The following MMP2 variants were observed in gnomAD, a reference collection of about 807,000 sequenced individuals.
MMP2 encodes the protein matrix metallopeptidase 2.
A neutral mutation model predicts 74.8 loss-of-function variants in MMP2; 39 were observed. The observed-to-expected ratio is 0.52, with a 90% CI of 0.40 to 0.68. The LOEUF is 0.68. MMP2 is among the 30% of genes least tolerant of loss of function. The probability of loss-of-function intolerance (pLI) is 0.00; values close to 1 mark genes in which losing one functional copy is unlikely to be tolerated. For synonymous variants in MMP2, 367 were observed against 339.8 expected, an observed-to-expected ratio of 1.08 and a Z score of -0.88; for missense variants, 803 against 878.3, an observed-to-expected ratio of 0.91 and a Z score of 1.08.
Position 55,493,319 on chromosome 16 carries a change from C to T in MMP2, c.1472+26C>T, listed in dbSNP as rs899715183. ...GTGAGTGCAGGAGCTTGCTTCTTGT[C>T]CTCCTTGTCTCCTGTCCTCTGCTCT... is the stretch of plus-strand genomic sequence containing the variant. On this transcript the variant is annotated intron_variant, in intron 9 of 12. Coordinates refer to ENST00000219070, the MANE Select transcript of MMP2 (RefSeq NM_004530.6). The T allele has an allele frequency of 1.9e-6, 3 of 1,613,786 alleles. No homozygotes were observed. The African/African-American group carries it at 4.0e-5, about 22-fold the overall frequency.
intron 7 of MMP2, among the ~76,000 whole-genome samples, chr16:55,491,434 T>C (rs1319499015): frequency 2.6e-5 from 4 of 152,122 alleles, no homozygotes; most frequent in African/African-American, 9.7e-5. Context: ...TTTGTAGAGC[T>C]CATCTTTTAT....
intron 7 of MMP2, among the ~76,000 whole-genome samples, chr16:55,490,350 T>TC (rs1185637164): frequency 1.3e-5 from 2 of 152,156 alleles, no homozygotes; most frequent in East Asian, 3.9e-4. Flanking sequence ...GAGCCCTCTC[T>TC]CCCCCATCAG....
chr16:55,486,342 T>TGC (rs1451274224), intron 5 of MMP2, among the ~76,000 whole-genome samples: 34 of 106,546 alleles, frequency 3.2e-4, no homozygotes, highest in African/African-American at 1.2e-3. Context: ...TGTGTGTGTG[T>TGC]GTGCCTGTGT....
intron 2 of MMP2, 95 bp from the exon 3 acceptor site, chr16:55,483,921 A>T (rs1171134811): frequency 1.4e-6 from 2 of 1,410,230 alleles, no homozygotes; most frequent in African/African-American, 2.8e-5. Context: ...ACACACACTC[A>T]AACTTTTTCA....
chr16:55,497,324 C>T (rs1962555547), intron 10 of MMP2, among the ~76,000 whole-genome samples: 2 of 91,340 alleles, frequency 2.2e-5, no homozygotes, highest in South Asian at 8.6e-4. Context: ...CAATCCGTCT[C>T]ATTTCTTTTC....
rs1190615039 is a variant in MMP2 at position 55,505,357 on chromosome 16, A to C, written c.1898A>C (p.Lys633Thr). The C allele has an allele frequency of 1.2e-6, 2 of 1,613,912 alleles. No homozygotes were observed. The highest frequency in any genetic ancestry group is 1.7e-6 in the Non-Finnish European group (2 of 1,179,934). Residue 633 changes from lysine to threonine, a missense_variant, in exon 13 of 13, where the codon AAG becomes ACG. Coordinates refer to ENST00000219070, the MANE Select transcript of MMP2 (RefSeq NM_004530.6). ...ATCCCAGGTCACAGCTACTTCTTCA[A>C]GGGTGCCTATTACCTGAAGCTGGAG... is the stretch of plus-strand genomic sequence containing the variant. ...LQGGGHSYFF[K>T]GAYYLKLENQ...
intron 8 of MMP2, 146 bp downstream of exon 8, chr16:55,492,102 T>A: frequency 5.2e-6 from 4 of 763,484 alleles, no homozygotes; most frequent in South Asian, 5.2e-5. Flanking sequence ...AGTGTTGACC[T>A]GGTCTTGGGA....
At position 55,488,651 on chromosome 16, in the gene MMP2, AC is replaced by A; in HGVS notation, c.943del (p.Arg315AlafsTer106). The A allele has an allele frequency of 6.2e-7, 1 of 1,613,512 alleles. No individual in the cohort carries two copies. The highest frequency in any genetic ancestry group is 8.5e-7 in the Non-Finnish European group (1 of 1,179,822). On this transcript the variant is annotated frameshift_variant, in exon 6 of 13. Transcript: ENST00000219070. LOFTEE classifies it high-confidence loss of function. The stretch of plus-strand genomic sequence containing the variant: ...ACCACTGAGGGCCGCACGGATGGCT[AC>A]CGCTGGTGCGGCACCACTGAGGACT... ...SCTTEGRTDG[Y>X]RWCGTTEDYD...
At chr16:55,494,039 C>T (rs1428337063) in intron 9 of MMP2, among the ~76,000 whole-genome samples, 1 of 152,206 alleles carries the variant, frequency 6.6e-6, no homozygotes, top group African/African-American at 2.4e-5. Context: ...ATCATCCATC[C>T]ATCTACCCAT....
chr16:55,484,340 G>T (rs1962187057), intron 3 of MMP2, among the ~76,000 whole-genome samples, 176 bp downstream of exon 3: 1 of 152,076 alleles, frequency 6.6e-6, no homozygotes, highest in South Asian at 2.1e-4. Context: ...GGACACTGGA[G>T]AGCCACGTTG....
intron 4 of MMP2, 88 bp from the exon 5 acceptor site, chr16:55,485,516 G>A (rs897183758): frequency 1.2e-6 from 2 of 1,612,068 alleles, no homozygotes; most frequent in Admixed American, 1.7e-5. Context: ...GGGAGGGGAG[G>A]AAAGTCACAC....
chr16:55,479,458 C>T lies in MMP2; in HGVS notation c.-22C>T. ...CCGAGCCAGCGACCCCCGGGCGACG[C>T]GCGGGGCCAGGGAGCGCTACGATGG... On this transcript the variant is annotated 5_prime_UTR_variant, in exon 1 of 13. Coordinates refer to ENST00000219070, the MANE Select transcript of MMP2 (RefSeq NM_004530.6). 6.7e-7 allele frequency: 1 copy of T among 1,488,764 alleles called. No homozygotes were observed. The highest frequency in any genetic ancestry group is 8.9e-7 in the Non-Finnish European group (1 of 1,122,728). The allele number at this position is 1,488,764 out of a possible 1,614,324, so 92.2% of individuals were successfully genotyped here.
chr16:55,486,325 GTGTGTGTGTGTGTGTGTGTGCC>G (rs1387104288), intron 5 of MMP2, among the ~76,000 whole-genome samples: 69 of 47,262 alleles, frequency 1.5e-3, no homozygotes, highest in African/African-American at 4.2e-3. Flanking sequence ...GCTAATGCGT[GTGTGTGTGTGTGTGTGTGTGCC>G]TGTGTGTGTG....
chr16:55,498,574 T>G (rs1294102258), intron 11 of MMP2, 126 bp downstream of exon 11: 2 of 1,230,506 alleles, frequency 1.6e-6, no homozygotes, highest in Non-Finnish European at 2.4e-6. Context: ...CTCTCTCTGG[T>G]ATCTAACCTC....
intron 11 of MMP2, 78 bp downstream of exon 11, chr16:55,498,526 C>T (rs1962588542): frequency 6.3e-7 from 1 of 1,598,754 alleles, no homozygotes; most frequent in Non-Finnish European, 8.6e-7. Context: ...CTTCAAGCCT[C>T]CTGGGCTGAG....
intron 6 of MMP2, among the ~76,000 whole-genome samples, chr16:55,489,323 C>G (rs1962341815): frequency 6.6e-6 from 1 of 152,220 alleles, no homozygotes. Context: ...TTGCCCCTAG[C>G]CCATCTGCCC....
intron 6 of MMP2, 189 bp downstream of exon 6, chr16:55,488,905 C>A: frequency 1.5e-6 from 1 of 654,258 alleles, no homozygotes; most frequent in Non-Finnish European, 2.7e-6. Flanking sequence ...ATGGCCTGGG[C>A]ACTGAAATCA....
chr16:55,497,141 C>A, intron 10 of MMP2, 79 bp downstream of exon 10: 2 of 1,592,872 alleles, frequency 1.3e-6, no homozygotes, highest in Non-Finnish European at 1.7e-6. Context: ...CAGGCTCACT[C>A]CCCCTCTCAA....
rs1399932698 is a variant in MMP2 at position 55,489,965 on chromosome 16, T to C, written c.1180+141T>C. On this transcript the variant is annotated intron_variant, in intron 7 of 12. Coordinates refer to ENST00000219070, the MANE Select transcript of MMP2 (RefSeq NM_004530.6). ...ACCCACCTACCCAGACCCGCCCACCTGGGCTGAGACAATGCCCATCTCTGG... is the reference window on the plus strand; with the variant it reads ...ACCCACCTACCCAGACCCGCCCACCCGGGCTGAGACAATGCCCATCTCTGG... The C allele has an allele frequency of 1.5e-5, 14 of 941,746 alleles. No homozygotes were observed. The South Asian group carries it at 1.8e-4, about 12-fold the overall frequency. The allele number at this position is 941,746 out of a possible 1,614,324, so 58.3% of individuals were successfully genotyped here. A position where few individuals can be genotyped will look rare whatever the true frequency, so the allele number is the denominator to read the frequency against.
Sources: gnomAD v4.1 joint callset for allele counts (sites outside exome capture counted in the v4.1 genomes callset) on GRCh38, gnomAD v4.1.1 for gene constraint, MANE v1.5 for transcripts, NCBI Gene and HGNC (gene_info 2026-07-23, HGNC 2026-07-21) for gene names.